ELP1: variants seen among roughly 807,000 people sequenced by gnomAD.
ELP1 encodes elongator complex protein 1.
A neutral mutation model predicts 183.2 loss-of-function variants in ELP1; 131 were observed. The observed-to-expected ratio is 0.72, with a 90% CI of 0.62 to 0.83. ELP1 has a LOEUF of 0.83. ELP1 is among the 40% of genes least tolerant of loss of function. The probability of loss-of-function intolerance (pLI) is 0.00; values close to 1 mark genes in which losing one functional copy is unlikely to be tolerated. For synonymous variants in ELP1, 555 were observed against 569.0 expected, an observed-to-expected ratio of 0.98 and a Z score of 0.35; for missense variants, 1,550 against 1,594.9, an observed-to-expected ratio of 0.97 and a Z score of 0.48.
In ELP1 at chr9:108,893,005, G is replaced by T; in HGVS notation, c.2939C>A (p.Pro980Gln). ...ACATACCTGGTACTGTTGTGAGCTT[G>T]GTGAATATAACTTCAGAGCTTCGTT... The part of the protein sequence containing the change: ...LYNEALKLYS[P>Q]SSQQYQDISI... Residue 980 changes from proline (P) to glutamine (Q), a missense_variant, in exon 27 of 37, where the codon CCA (proline) becomes CAA (glutamine). Coordinates refer to ENST00000374647, the MANE Select transcript of ELP1 (RefSeq NM_003640.5). 6.2e-7 allele frequency: 1 copy of T among 1,613,022 alleles called. No homozygotes were observed.
chr9:108,880,262 A>G, intron 31 of ELP1, 97 bp from the exon 32 acceptor site: 1 of 803,790 alleles, frequency 1.2e-6, no homozygotes, highest in East Asian at 2.5e-5. Flanking sequence ...AAATTCAGCA[A>G]AAAGAAAGAG....
chr9:108,868,716 G>A lies in ELP1; in HGVS notation c.*399C>T, dbSNP rs1827324780. 1.9e-6 allele frequency: 1 copy of A among 525,142 alleles called. No individual in the cohort carries two copies. Among genetic ancestry groups the A allele is most frequent in the Non-Finnish European group, 3.3e-6 (1 of 299,948 alleles). 32.5% of individuals were successfully genotyped at this position (525,142 alleles called of 1,614,324 possible). On this transcript the variant is annotated 3_prime_UTR_variant, in exon 37 of 37. Coordinates refer to ENST00000374647, the MANE Select transcript of ELP1 (RefSeq NM_003640.5). Reference sequence around the variant, plus strand: ...AAGTGATTACATTTGACCAAATGTAGCACTAATAGCCATTGTAATCTTCTC... The same window carrying A: ...AAGTGATTACATTTGACCAAATGTAACACTAATAGCCATTGTAATCTTCTC...
At chr9:108,902,802 CTACTT>C in intron 16 of ELP1, 32 bp downstream of exon 16, 2 of 1,499,094 alleles carry the variant, frequency 1.3e-6, no homozygotes, top group Non-Finnish European at 1.9e-6. Flanking sequence ...CCCTGGGTAA[CTACTT>C]TAAGTAAATT....
At chr9:108,923,570 C>T (rs376486213) in intron 5 of ELP1, among the ~76,000 whole-genome samples, 2 of 152,048 alleles carry the variant, frequency 1.3e-5, no homozygotes, top group African/African-American at 4.8e-5. Flanking sequence ...AAAATATGTC[C>T]GGAACATAAA....
intron 8 of ELP1, among the ~76,000 whole-genome samples, chr9:108,918,603 G>A (rs369850098): frequency 4.0e-5 from 6 of 151,184 alleles, no homozygotes; most frequent in Admixed American, 3.3e-4. Flanking sequence ...GTGAAGAAGC[G>A]TAAAATCTAC....
chr9:108,911,847 G>T (rs541518001), intron 11 of ELP1, among the ~76,000 whole-genome samples: 1 of 152,150 alleles, frequency 6.6e-6, no homozygotes, highest in South Asian at 2.1e-4. Context: ...ATACTGGAGA[G>T]GTATATATCA....
At chr9:108,908,119 T>TTATA (rs1829085327) in intron 13 of ELP1, among the ~76,000 whole-genome samples, 186 bp downstream of exon 13, 1 of 152,182 alleles carries the variant, frequency 6.6e-6, no homozygotes, top group Non-Finnish European at 1.5e-5. Flanking sequence ...ACCTATCAAA[T>TTATA]TATATGGCAT....
intron 12 of ELP1, among the ~76,000 whole-genome samples, chr9:108,908,912 T>C (rs1381712771): frequency 6.6e-6 from 1 of 152,136 alleles, no homozygotes; most frequent in African/African-American, 2.4e-5. Context: ...ACCCACCACC[T>C]TCCCCTCCTT....
chr9:108,871,842 C>T (rs527474657), intron 36 of ELP1, among the ~76,000 whole-genome samples: 11 of 152,330 alleles, frequency 7.2e-5, no homozygotes, highest in Non-Finnish European at 1.3e-4. Flanking sequence ...TTCAATACAA[C>T]ATAAAAAGGT....
At chr9:108,914,871 C>T (rs958417605) in intron 10 of ELP1, among the ~76,000 whole-genome samples, 4 of 152,148 alleles carry the variant, frequency 2.6e-5, no homozygotes, top group East Asian at 1.9e-4. Flanking sequence ...GTGATCCGCC[C>T]GCCTCGGCCT....
chr9:108,915,914 T>C (rs1829413990), intron 10 of ELP1, among the ~76,000 whole-genome samples: 1 of 152,142 alleles, frequency 6.6e-6, no homozygotes, highest in Non-Finnish European at 1.5e-5. Flanking sequence ...ACTGCAGGAC[T>C]TGACCATGTG....
In ELP1 at chr9:108,906,235, T is replaced by C. The variant is rs1294856202; in HGVS notation, c.1643+68A>G. The C allele has an allele frequency of 7.4e-6, 11 of 1,493,398 alleles. No homozygotes were observed. In the East Asian group the frequency reaches 1.6e-4, roughly 21 times the overall value. The allele number at this position is 1,493,398 out of a possible 1,614,324, so 92.5% of individuals were successfully genotyped here. A position where few individuals can be genotyped will look rare whatever the true frequency, so the allele number is the denominator to read the frequency against. ...TGATCAATAGAAGTCAAAAGTTGTA[T>C]GCTCATAAAAGACAAAAACCTAACT... On this transcript the variant is annotated intron_variant, in intron 14 of 36. Transcript: ENST00000374647.
At chr9:108,879,327 G>A (rs779135631) in intron 33 of ELP1, 119 bp downstream of exon 33, 47 of 765,864 alleles carry the variant, frequency 6.1e-5, no homozygotes, top group Middle Eastern at 2.5e-4. Context: ...TCCACACAGC[G>A]CTGAAGAATA....
In ELP1 at chr9:108,909,550, C is replaced by T. The variant is rs578130815; in HGVS notation, c.1361-1146G>A. ...CTGTTCCAGTCCAAGATCTCTTTTT[C>T]CAGATTCTCTTATATCCAAACTCTC... On this transcript the variant is annotated intron_variant, in intron 12 of 36. Coordinates refer to ENST00000374647, the MANE Select transcript of ELP1 (RefSeq NM_003640.5). Among the ~76,000 whole-genome samples the T allele has an allele frequency of 7.2e-5, 11 of 152,286 alleles. No homozygotes were observed. The East Asian group carries it at 1.7e-3, about 24-fold the overall frequency.
intron 24 of ELP1, 52 bp downstream of exon 24, chr9:108,896,901 C>G: frequency 6.9e-7 from 1 of 1,451,524 alleles, no homozygotes; most frequent in Non-Finnish European, 9.7e-7. Flanking sequence ...CTGCAGAAGA[C>G]TAGTAGCAGT....
intron 3 of ELP1, among the ~76,000 whole-genome samples, chr9:108,927,964 A>C (rs1013678168): frequency 6.6e-6 from 1 of 152,230 alleles, no homozygotes; most frequent in Non-Finnish European, 1.5e-5. Flanking sequence ...AAGACCTGCT[A>C]TTTGATAGCA....
At chr9:108,903,424 C>T (rs1828887780) in intron 15 of ELP1, 139 bp downstream of exon 15, 1 of 678,898 alleles carries the variant, frequency 1.5e-6, no homozygotes, top group African/African-American at 1.8e-5. Flanking sequence ...TTGCCAATTC[C>T]ACTCTAAAGC....
rs79755477 is a variant in ELP1, at chr9:108,869,308, G to C, written c.3932-126C>G. 5.5e-4 allele frequency: 449 copies of C among 820,732 alleles called. 4 individuals carry two copies. In the African/African-American group the frequency reaches 6.4e-3, roughly 12 times the overall value. 50.8% of individuals were successfully genotyped at this position (820,732 alleles called of 1,614,324 possible). ...CAGCAATAAGACCATCAGAGCCAGA[G>C]TTCATGTGTCTGCTACCCCTGCAAC... On this transcript the variant is annotated intron_variant, in intron 36 of 36. Coordinates refer to ENST00000374647, the MANE Select transcript of ELP1 (RefSeq NM_003640.5).
At position 108,903,692 on chromosome 9, in the gene ELP1, A is replaced by G. The variant is rs770028425; in HGVS notation, c.1644-23T>C. On this transcript the variant is annotated intron_variant, in intron 14 of 36. Coordinates refer to ENST00000374647, the MANE Select transcript of ELP1 (RefSeq NM_003640.5). ...GAACTGACAAAAAAAAGGAGAAGGG[A>G]GTGTAAACAGACCATTTTTCTCAAA... The G allele has an allele frequency of 7.2e-6, 11 of 1,536,442 alleles. No homozygotes were observed. In the Admixed American group the frequency reaches 1.5e-4, roughly 21 times the overall value.
Sources: allele counts gnomAD v4.1 joint callset (sites outside exome capture counted in the v4.1 genomes callset), GRCh38; gene constraint gnomAD v4.1.1; transcripts MANE v1.5; gene names NCBI Gene and HGNC (gene_info 2026-07-23, HGNC 2026-07-21).